RGS22: variants seen among roughly 807,000 people sequenced by gnomAD.
RGS22 encodes regulator of G-protein signaling 22.
A neutral mutation model predicts 172.9 loss-of-function variants in RGS22; 148 were observed. That is an observed-to-expected ratio of 0.86 (90% CI 0.75 to 0.98). The LOEUF is 0.98. Among genes scored for constraint, RGS22 ranks in the 50% least tolerant of loss-of-function variants. The pLI, the probability that RGS22 is intolerant of heterozygous loss-of-function variation, is 0.00. For synonymous variants in RGS22, 458 were observed against 480.2 expected, an observed-to-expected ratio of 0.95 and a Z score of 0.60; for missense variants, 1,347 against 1,440.8, an observed-to-expected ratio of 0.93 and a Z score of 1.05.
chr8:100,104,923 C>T (rs538205520), intron 2 of RGS22, among the ~76,000 whole-genome samples: 3 of 152,286 alleles, frequency 2.0e-5, no homozygotes, highest in East Asian at 3.9e-4. Flanking sequence ...TTAGCAAATA[C>T]TTTTATTACT....
chr8:100,080,094 C>T, intron 4 of RGS22, 40 bp downstream of exon 4: 1 of 1,366,194 alleles, frequency 7.3e-7, no homozygotes, highest in Non-Finnish European at 1.0e-6. Flanking sequence ...TCACCAAATG[C>T]TTTATCTATC....
intron 18 of RGS22, among the ~76,000 whole-genome samples, chr8:100,001,524 A>G (rs3133718): frequency 0.65 from 97,977 of 151,862 alleles, 32,008 homozygotes; most frequent in African/African-American, 0.74. Context: ...GTAAGCCACC[A>G]CGCCCAGCCC....
intron 3 of RGS22, among the ~76,000 whole-genome samples, chr8:100,087,676 T>A (rs566534167): frequency 6.6e-6 from 1 of 152,298 alleles, no homozygotes; most frequent in South Asian, 2.1e-4. Context: ...TCTTTACTAA[T>A]TGAGCTCCAA....
In RGS22 at chr8:99,981,949, A is replaced by G. The variant is rs768788280; in HGVS notation, c.3348T>C (p.Phe1116=). Reference sequence around the variant, plus strand: ...CCTGATCTCTTACCTGTGCCTCTCTAAATACATATGGTCCTAACTCCTTCC... The same window carrying G: ...CCTGATCTCTTACCTGTGCCTCTCTGAATACATATGGTCCTAACTCCTTCC... ...EHRKELGPYV[F]REAQMTIFGV... is the part of the protein sequence containing the mutation. Residue 1116 remains phenylalanine (F), a synonymous_variant, in exon 22 of 28, where the codon TTT becomes TTC. Coordinates refer to ENST00000360863, the MANE Select transcript of RGS22 (RefSeq NM_015668.5). 6.2e-7 allele frequency: 1 copy of G among 1,611,496 alleles called. No individual in the cohort carries two copies. Among genetic ancestry groups the G allele is most frequent in the Non-Finnish European group, 8.5e-7 (1 of 1,178,984 alleles).
intron 6 of RGS22, among the ~76,000 whole-genome samples, chr8:100,068,065 A>C (rs1810667006): frequency 6.6e-6 from 1 of 152,214 alleles, no homozygotes; most frequent in Non-Finnish European, 1.5e-5. Context: ...TGAATCTGCA[A>C]AATTCAAAAG....
In RGS22 at chr8:100,066,280, G is replaced by A. The variant is rs780532532; in HGVS notation, c.611C>T (p.Thr204Ile). ...TTTTGCTAATGCAAACCAATCTTTTGTTTGAGTATAGGAAGCCTAGGAAGA... is the reference window on the plus strand; with the variant it reads ...TTTTGCTAATGCAAACCAATCTTTTATTTGAGTATAGGAAGCCTAGGAAGA... ...VSLGEASYTQTKDWFALAKQS... is the reference protein window; with the variant it reads ...VSLGEASYTQIKDWFALAKQS... The change falls in exon 7 of 28, where the codon ACA becomes ATA. Residue 204 changes from threonine (T) to isoleucine (I), a missense_variant. Physicochemically the swap from Thr to Ile is moderately conservative, Grantham distance 89. Transcript: ENST00000360863. 8.7e-6 allele frequency: 14 copies of A among 1,613,034 alleles called. No individual in the cohort carries two copies. The highest frequency in any genetic ancestry group is 1.2e-5 in the Non-Finnish European group (14 of 1,179,304).
At chr8:99,988,662 A>T (rs1813368262) in intron 20 of RGS22, among the ~76,000 whole-genome samples, 2 of 152,212 alleles carry the variant, frequency 1.3e-5, no homozygotes, top group African/African-American at 4.8e-5. Context: ...AACACAAAGG[A>T]AGGAGTAACT....
chr8:100,000,706 C>T (rs1814947974), intron 18 of RGS22, among the ~76,000 whole-genome samples: 1 of 152,140 alleles, frequency 6.6e-6, no homozygotes, highest in Non-Finnish European at 1.5e-5. Flanking sequence ...AAATAGAAAA[C>T]AAATGCTTTC....
intron 2 of RGS22, among the ~76,000 whole-genome samples, chr8:100,100,526 G>A (rs2514707): frequency 0.27 from 41,134 of 152,048 alleles, 6,967 homozygotes; most frequent in East Asian, 0.44. Context: ...CTGACCTCAG[G>A]TGATCTGCCT....
intron 6 of RGS22, among the ~76,000 whole-genome samples, chr8:100,067,344 T>C (rs1006113755): frequency 1.3e-5 from 2 of 152,236 alleles, no homozygotes; most frequent in African/African-American, 4.8e-5. Context: ...TTTCAAAGAC[T>C]AATTCACTTT....
rs543676525 is a variant in RGS22, at chr8:100,028,609, T to A, written c.2166+10322A>T. On this transcript the variant is annotated intron_variant, in intron 14 of 27. Coordinates refer to ENST00000360863, the MANE Select transcript of RGS22 (RefSeq NM_015668.5). Reference sequence around the variant, plus strand: ...AAGTTTATACTTGTCTAATTTCTCATCTTGGAAATGATTACAAAATGTGCC... The same window carrying A: ...AAGTTTATACTTGTCTAATTTCTCAACTTGGAAATGATTACAAAATGTGCC... Among the ~76,000 whole-genome samples, 15 of 152,294 alleles carry A rather than the reference T, an allele frequency of 9.8e-5. No homozygotes were observed. The East Asian group carries it at 2.7e-3, about 27-fold the overall frequency.
chr8:100,026,822 G>C (rs1818229384), intron 14 of RGS22, among the ~76,000 whole-genome samples: 1 of 152,176 alleles, frequency 6.6e-6, no homozygotes, highest in Admixed American at 6.5e-5. Context: ...AAAGGAAACA[G>C]TTCCCTCATT....
chr8:100,054,746 T>C (rs554100003), intron 9 of RGS22, among the ~76,000 whole-genome samples: 10 of 151,670 alleles, frequency 6.6e-5, no homozygotes, highest in Admixed American at 1.3e-4. Context: ...CATTCTCTAC[T>C]GTGTTTCAGA....
intron 21 of RGS22, 83 bp downstream of exon 21, chr8:99,987,375 T>C (rs1354429814): frequency 9.6e-7 from 1 of 1,038,728 alleles, no homozygotes; most frequent in Admixed American, 2.3e-5. Context: ...ACAAATCTTG[T>C]GCATAAAGTT....
In RGS22 at chr8:99,991,465, C is replaced by T. The variant is rs541702440; in HGVS notation, c.3019-3846G>A. Among the ~76,000 whole-genome samples, 7 of 152,134 alleles carry T rather than the reference C, an allele frequency of 4.6e-5. No individual in the cohort carries two copies. The South Asian group carries it at 1.0e-3, about 23-fold the overall frequency. ...AAACCATGGCACGAGAACTTCGCGA[C>T]GCATGCACAAGCTTCAATAGCCAAT... On this transcript the variant is annotated intron_variant, in intron 20 of 27. Transcript: ENST00000360863.
intron 12 of RGS22, among the ~76,000 whole-genome samples, chr8:100,041,236 C>T (rs565227947): frequency 6.6e-6 from 1 of 152,116 alleles, no homozygotes. Context: ...TGCCTGTAAT[C>T]CCAGCACTTT....
At chr8:100,049,806 G>A (rs981972805) in intron 10 of RGS22, among the ~76,000 whole-genome samples, 20 of 152,164 alleles carry the variant, frequency 1.3e-4, no homozygotes, top group Non-Finnish European at 2.5e-4. Context: ...CCAGCACTTT[G>A]GGAGGCCAAG....
intron 14 of RGS22, among the ~76,000 whole-genome samples, chr8:100,010,883 A>G (rs1816307015): frequency 6.6e-6 from 1 of 151,636 alleles, no homozygotes; most frequent in African/African-American, 2.4e-5. Context: ...GGCTCAAGCA[A>G]TCTGCCCACC....
intron 14 of RGS22, among the ~76,000 whole-genome samples, chr8:100,014,211 G>C (rs558752142): frequency 2.0e-5 from 3 of 152,120 alleles, no homozygotes; most frequent in African/African-American, 7.2e-5. Context: ...AGGTGTGCTC[G>C]ACCATGTTCC....
Sources: gnomAD v4.1 joint callset for allele counts (sites outside exome capture counted in the v4.1 genomes callset) on GRCh38, gnomAD v4.1.1 for gene constraint, MANE v1.5 for transcripts, NCBI Gene and HGNC (gene_info 2026-07-23, HGNC 2026-07-21) for gene names.